IFNAR2: variants seen among roughly 807,000 people sequenced by gnomAD.
The protein encoded by IFNAR2 is interferon alpha/beta receptor 2.
Under a neutral mutation model 49.4 loss-of-function variants are expected in IFNAR2, and 30 were observed. The observed-to-expected ratio is 0.61, with a 90% CI of 0.45 to 0.82. The LOEUF is 0.82. IFNAR2 is among the 40% of genes least tolerant of loss of function. The pLI is 0.00. For synonymous variants in IFNAR2, 224 were observed against 234.5 expected, an observed-to-expected ratio of 0.96 and a Z score of 0.41; for missense variants, 600 against 622.7, an observed-to-expected ratio of 0.96 and a Z score of 0.39.
At position 33,241,846 on chromosome 21, in the gene IFNAR2, T is replaced by G. The variant is rs754041887; in HGVS notation, c.-77T>G. On this transcript the variant is annotated 5_prime_UTR_variant, in exon 2 of 9. In the 5' UTR this introduces an upstream ATG that the reference lacks. Transcript: ENST00000342136. The stretch of plus-strand genomic sequence containing the variant: ...CCCATTTTTATATTTGCAGTTTAAT[T>G]AGACACTTCAGAATTTTGATCACCT... 1 of 1,594,742 alleles carries G rather than the reference T, an allele frequency of 6.3e-7. No individual in the cohort carries two copies. Among genetic ancestry groups the G allele is most frequent in the East Asian group, 2.3e-5 (1 of 44,320 alleles).
At chr21:33,244,214 C>T (rs1025490971) in intron 3 of IFNAR2, among the ~76,000 whole-genome samples, 2 of 152,086 alleles carry the variant, frequency 1.3e-5, no homozygotes, top group Non-Finnish European at 2.9e-5. Context: ...GAAACAAAGG[C>T]CTGAGTCCTA....
intron 2 of IFNAR2, among the ~76,000 whole-genome samples, chr21:33,242,267 C>G (rs929599421): frequency 1.2e-4 from 19 of 152,214 alleles, no homozygotes; most frequent in African/African-American, 4.1e-4. Context: ...TCCTAACACG[C>G]TTTCTTCCTC....
At position 33,229,980 on chromosome 21, in the gene IFNAR2, C is replaced by T. The variant is rs1197748782; in HGVS notation, c.-320C>T. ...CCGGGGCTCGGCGCGCGCACCCGCA[C>T]TAAAGACGCTTCTTCCCGGCGGGTA... On this transcript the variant is annotated 5_prime_UTR_variant, in exon 1 of 9. Transcript: ENST00000342136. The T allele has an allele frequency of 2.5e-5, 25 of 984,410 alleles. No individual in the cohort carries two copies. The highest frequency in any genetic ancestry group is 2.0e-5 in the Non-Finnish European group (17 of 829,678). The allele number at this position is 984,410 out of a possible 1,614,324, so 61.0% of individuals were successfully genotyped here. A position where few individuals can be genotyped will look rare whatever the true frequency, so the allele number is the denominator to read the frequency against.
intron 6 of IFNAR2, chr21:33,252,453 T>C: frequency 1.0e-6 from 1 of 985,004 alleles, no homozygotes; most frequent in African/African-American, 1.7e-5. Context: ...GGTTATAAAA[T>C]ATGTGTGTGT....
rs145776175 is a variant in IFNAR2 at position 33,236,467 on chromosome 21, A to G, written c.-83-5373A>G. On this transcript the variant is annotated intron_variant, in intron 1 of 8. Transcript: ENST00000342136. ...TCAGATATGCTAGGTACCTGGGTCA[A>G]GAGTGACCCAGAGACTCATCCCTGC... 2.0e-3 allele frequency among the ~76,000 whole-genome samples: 302 copies of G among 152,306 alleles called. 1 individual carries two copies. Among genetic ancestry groups the G allele is most frequent in the Non-Finnish European group, 3.2e-3 (219 of 68,018 alleles).
Position 33,262,834 on chromosome 21 carries a change from A to G in IFNAR2, c.882A>G (p.Pro294=), listed in dbSNP as rs1474581915. 6.2e-7 allele frequency: 1 copy of G among 1,606,342 alleles called. No homozygotes were observed. Among genetic ancestry groups the G allele is most frequent in the Non-Finnish European group, 8.5e-7 (1 of 1,177,434 alleles). Residue 294 remains proline, a synonymous_variant, in exon 9 of 9, where the codon CCA becomes CCG. Coordinates refer to ENST00000342136, the MANE Select transcript of IFNAR2 (RefSeq NM_001289125.3). ...NFLAWPFPNL[P]PLEAMDMVEV... is the part of the protein sequence containing the mutation. ...TAGCCTGGCCATTTCCTAACCTGCC[A>G]CCGTTGGAAGCCATGGATATGGTGG...
chr21:33,247,150 T>G (rs953820367), intron 5 of IFNAR2, among the ~76,000 whole-genome samples: 3 of 152,122 alleles, frequency 2.0e-5, no homozygotes. Flanking sequence ...ACTGCTGTTT[T>G]CGGTTTTGCA....
At chr21:33,248,379 G>A in intron 5 of IFNAR2, among the ~76,000 whole-genome samples, 1 of 112,654 alleles carries the variant, frequency 8.9e-6, no homozygotes, top group Non-Finnish European at 1.7e-5. Flanking sequence ...GAAAGTTAGG[G>A]GGGAGGGAGG....
Position 33,241,865 on chromosome 21 carries a change from A to G in IFNAR2, c.-58A>G. ...TTTAATTAGACACTTCAGAATTTTG[A>G]TCACCTAATGTTGATTTCAGATGTA... On this transcript the variant is annotated 5_prime_UTR_variant, in exon 2 of 9. Transcript: ENST00000342136. 2 of 1,601,462 alleles carry G rather than the reference A, an allele frequency of 1.2e-6. No homozygotes were observed. The highest frequency in any genetic ancestry group is 1.7e-6 in the Non-Finnish European group (2 of 1,174,516).
Position 33,230,740 on chromosome 21 carries a change from C to T in IFNAR2, c.-84+524C>T, listed in dbSNP as rs761591945. Among the ~76,000 whole-genome samples the T allele has an allele frequency of 1.5e-4, 23 of 152,176 alleles. No individual in the cohort carries two copies. Among genetic ancestry groups the T allele is most frequent in the Non-Finnish European group, 2.6e-4 (18 of 68,036 alleles). Reference sequence around the variant, plus strand: ...GCAGCCGGGGCTGGAGCGGCCTACACCCCTCCGGATCCGCTGCGTGGAGGC... The same window carrying T: ...GCAGCCGGGGCTGGAGCGGCCTACATCCCTCCGGATCCGCTGCGTGGAGGC... On this transcript the variant is annotated intron_variant, in intron 1 of 8. Transcript: ENST00000342136. The surrounding 1 kb of genome is among the most constrained non-coding windows in gnomAD (Gnocchi z 5.5).
At position 33,263,564 on chromosome 21, in the gene IFNAR2, T is replaced by C; in HGVS notation, c.*64T>C. 1.4e-6 allele frequency: 2 copies of C among 1,466,736 alleles called. No homozygotes were observed. Among genetic ancestry groups the C allele is most frequent in the Non-Finnish European group, 1.8e-6 (2 of 1,097,352 alleles). The allele number at this position is 1,466,736 out of a possible 1,614,324, so 90.9% of individuals were successfully genotyped here. A position where few individuals can be genotyped will look rare whatever the true frequency, so the allele number is the denominator to read the frequency against. On this transcript the variant is annotated 3_prime_UTR_variant, in exon 9 of 9. Transcript: ENST00000342136. ...TACAGGGTTCTTTGTCTCTGCATCC[T>C]AACTTGCTGCCTTATCGTCTGCAAG...
intron 2 of IFNAR2, 119 bp downstream of exon 2, chr21:33,242,096 GC>G (rs1355312771): frequency 4.8e-6 from 4 of 834,700 alleles, no homozygotes; most frequent in Non-Finnish European, 7.4e-6. Flanking sequence ...GTACCACCCT[GC>G]CTAGTGTCAG....
At chr21:33,255,252 G>A (rs976515692) in intron 7 of IFNAR2, among the ~76,000 whole-genome samples, 1 of 152,156 alleles carries the variant, frequency 6.6e-6, no homozygotes, top group African/African-American at 2.4e-5. Context: ...CTAACTAGTT[G>A]TCCAATGATT....
In IFNAR2 at chr21:33,260,618, TAGG is replaced by T. The variant is rs1988499971; in HGVS notation, c.736_738del (p.Gly246del). On this transcript the variant is annotated inframe_deletion, in exon 8 of 9. Coordinates refer to ENST00000342136, the MANE Select transcript of IFNAR2 (RefSeq NM_001289125.3). ...ACAGAATCAGCAGAATCTGCCAAAA[TAGG>T]AGGAATAATTACTGTGTTTTTGATA... 4 of 1,584,284 alleles carry T rather than the reference TAGG, an allele frequency of 2.5e-6. No homozygotes were observed. The highest frequency in any genetic ancestry group is 2.0e-5 in the Admixed American group (1 of 49,894).
At chr21:33,243,893 T>TA (rs1011191363) in intron 3 of IFNAR2, among the ~76,000 whole-genome samples, 179 bp downstream of exon 3, 1 of 152,176 alleles carries the variant, frequency 6.6e-6, no homozygotes, top group African/African-American at 2.4e-5. Flanking sequence ...TTTTGAGAGA[T>TA]ACAAAACTAG....
chr21:33,252,524 G>C, intron 6 of IFNAR2, 138 bp from the exon 7 acceptor site: 1 of 1,443,040 alleles, frequency 6.9e-7, no homozygotes. Flanking sequence ...TGCTCCAGAT[G>C]ACTTATAAAT....
At position 33,262,952 on chromosome 21, in the gene IFNAR2, G is replaced by A. The variant is rs1165831556; in HGVS notation, c.1000G>A (p.Gly334Ser). ...SDTEAAPRTS[G>S]GGYTMHGLTV... ...TACTGAGGCAGCGCCCAGGACAAGT[G>A]GCGGTGGCTATACCATGCATGGACT... is the stretch of plus-strand genomic sequence containing the variant. The change falls in exon 9 of 9, where the codon GGC becomes AGC. Residue 334 changes from glycine (G) to serine (S), a missense_variant. Physicochemically the swap from Gly to Ser is moderately conservative, Grantham distance 56. Transcript: ENST00000342136. The A allele has an allele frequency of 6.2e-7, 1 of 1,614,080 alleles. No homozygotes were observed.
chr21:33,245,178 A>G (rs1987306476), intron 4 of IFNAR2, 104 bp downstream of exon 4: 1 of 846,836 alleles, frequency 1.2e-6, no homozygotes, highest in Non-Finnish European at 1.9e-6. Flanking sequence ...CCCTTTTCCT[A>G]TCTACCTCTC....
chr21:33,260,876 A>T, intron 8 of IFNAR2, 149 bp downstream of exon 8: 2 of 539,982 alleles, frequency 3.7e-6, no homozygotes, highest in South Asian at 3.4e-5. Context: ...TCTTTTCCAT[A>T]TCTATAAATG....
Sources: gnomAD v4.1 joint callset for allele counts (sites outside exome capture counted in the v4.1 genomes callset) on GRCh38, gnomAD v4.1.1 for gene constraint, Gnocchi (gnomAD v3.1) non-coding constraint, MANE v1.5 for transcripts, NCBI Gene and HGNC (gene_info 2026-07-23, HGNC 2026-07-21) for gene names.